Variants in PRKG2 observed in about 807,000 individuals in gnomAD.
PRKG2 encodes cGMP-dependent protein kinase 2.
In PRKG2, 33 loss-of-function variants were observed where a neutral mutation model predicts 97.2. The observed-to-expected ratio is 0.34, with a 90% CI of 0.26 to 0.45. The LOEUF (loss-of-function observed/expected upper bound fraction) is 0.45, where lower values mean the gene tolerates loss of function less well. PRKG2 is among the 20% of genes least tolerant of loss of function. The pLI is 1.00. For missense variants in PRKG2, 638 were observed against 900.0 expected, an observed-to-expected ratio of 0.71 and a Z score of 3.73; for synonymous variants, 330 against 321.8, an observed-to-expected ratio of 1.03 and a Z score of -0.27.
intron 6 of PRKG2, 21 bp downstream of exon 6, chr4:81,167,140 T>A (rs1447031548): frequency 6.7e-7 from 1 of 1,496,766 alleles, no homozygotes; most frequent in Non-Finnish European, 9.1e-7. Context: ...GAAATTTATT[T>A]TTTACTTCAA....
At chr4:81,169,877 G>A in intron 4 of PRKG2, 109 bp from the exon 5 acceptor site, 4 of 625,572 alleles carry the variant, frequency 6.4e-6, no homozygotes, top group East Asian at 3.2e-5. Context: ...GGTACTTCTT[G>A]GAAAATGTAT....
At chr4:81,198,998 G>T (rs1753131962) in intron 2 of PRKG2, among the ~76,000 whole-genome samples, 1 of 152,040 alleles carries the variant, frequency 6.6e-6, no homozygotes, top group African/African-American at 2.4e-5. Context: ...CTTCTTCCAT[G>T]CCTTATCCTA....
chr4:81,210,834 C>T (rs1753932130), intron 1 of PRKG2, among the ~76,000 whole-genome samples: 1 of 152,114 alleles, frequency 6.6e-6, no homozygotes, highest in South Asian at 2.1e-4. Context: ...GATAAACAAA[C>T]TGTGGCACAT....
At chr4:81,125,081 TA>T (rs1236434511) in intron 14 of PRKG2, among the ~76,000 whole-genome samples, 14 of 152,228 alleles carry the variant, frequency 9.2e-5, no homozygotes, top group Admixed American at 3.3e-4. Context: ...GTAAATTACT[TA>T]AATGTATCTT....
At chr4:81,090,156 G>A (rs991891957) in intron 18 of PRKG2, among the ~76,000 whole-genome samples, 2 of 152,114 alleles carry the variant, frequency 1.3e-5, no homozygotes, top group African/African-American at 4.8e-5. Flanking sequence ...TCAGGAGTTC[G>A]AGACCAGCCT....
chr4:81,136,778 A>G (rs543886870), intron 13 of PRKG2, among the ~76,000 whole-genome samples: 1 of 152,318 alleles, frequency 6.6e-6, no homozygotes, highest in Non-Finnish European at 1.5e-5. Context: ...CTCACTAAAC[A>G]ATGAAATGTT....
chr4:81,135,188 G>A lies in PRKG2; in HGVS notation c.1743C>T (p.Asn581=), dbSNP rs752801244. The stretch of plus-strand genomic sequence containing the variant: ...GGTAACCCTCAGCATCTAGAATTAA[G>A]TTTTCTGGTTTCAAGTCTCTGTAGA... The part of the protein sequence containing the change: ...GIIYRDLKPE[N]LILDAEGYLK... Residue 581 remains asparagine, a synonymous_variant, in exon 14 of 19, where the codon AAC becomes AAT. Transcript: ENST00000264399. 6.2e-7 allele frequency: 1 copy of A among 1,610,608 alleles called. No individual in the cohort carries two copies. The highest frequency in any genetic ancestry group is 8.5e-7 in the Non-Finnish European group (1 of 1,178,072).
At chr4:81,209,275 C>T (rs1225446763) in intron 1 of PRKG2, among the ~76,000 whole-genome samples, 1 of 152,164 alleles carries the variant, frequency 6.6e-6, no homozygotes, top group African/African-American at 2.4e-5. Flanking sequence ...GTTTTTCCTC[C>T]AGCCCTATAG....
At chr4:81,126,512 A>C (rs1328481916) in intron 14 of PRKG2, among the ~76,000 whole-genome samples, 1 of 152,050 alleles carries the variant, frequency 6.6e-6, no homozygotes. Context: ...AAGCATCCCT[A>C]TTTCTCCATA....
At chr4:81,203,499 T>G (rs534240000) in intron 2 of PRKG2, among the ~76,000 whole-genome samples, 1 of 152,326 alleles carries the variant, frequency 6.6e-6, no homozygotes, top group African/African-American at 2.4e-5. Flanking sequence ...TACTTACATT[T>G]GTGAATGTTA....
chr4:81,207,845 G>A (rs1157631269), intron 1 of PRKG2, among the ~76,000 whole-genome samples: 1 of 152,144 alleles, frequency 6.6e-6, no homozygotes, highest in Non-Finnish European at 1.5e-5. Context: ...AAATATTGCT[G>A]TCCCTGAAGC....
chr4:81,194,383 A>T (rs1752805555), intron 2 of PRKG2, among the ~76,000 whole-genome samples: 1 of 151,534 alleles, frequency 6.6e-6, no homozygotes, highest in South Asian at 2.1e-4. Flanking sequence ...TCCCCAGATA[A>T]TTGTTTTTGA....
At chr4:81,153,579 T>G (rs934700144) in intron 7 of PRKG2, 65 bp downstream of exon 7, 1 of 1,319,454 alleles carries the variant, frequency 7.6e-7, no homozygotes, top group Non-Finnish European at 1.1e-6. Flanking sequence ...CAAAGCATAG[T>G]TGAGTTTATG....
At chr4:81,143,064 T>TACA in intron 10 of PRKG2, 117 bp from the exon 11 acceptor site, 1 of 1,321,916 alleles carries the variant, frequency 7.6e-7, no homozygotes, top group Non-Finnish European at 1.0e-6. Context: ...GATTTATAGT[T>TACA]GCCACAAAGG....
intron 2 of PRKG2, among the ~76,000 whole-genome samples, chr4:81,176,218 T>A (rs909664189): frequency 1.3e-5 from 2 of 152,130 alleles, no homozygotes; most frequent in South Asian, 2.1e-4. Context: ...CTAAATCGTA[T>A]CAATTTGTTT....
At chr4:81,139,782 A>C (rs1747086097) in intron 12 of PRKG2, among the ~76,000 whole-genome samples, 1 of 71,036 alleles carries the variant, frequency 1.4e-5, no homozygotes, top group Admixed American at 1.4e-4. Context: ...CTCAAAAGAC[A>C]AAAAAAAAAA....
At chr4:81,110,386 C>T in intron 15 of PRKG2, 62 bp downstream of exon 15, 7 of 1,522,040 alleles carry the variant, frequency 4.6e-6, no homozygotes, top group Non-Finnish European at 6.2e-6. Context: ...CACTTTATCA[C>T]TAGTTAGGTT....
chr4:81,117,246 G>A (rs1197372391), intron 14 of PRKG2, among the ~76,000 whole-genome samples: 3 of 151,778 alleles, frequency 2.0e-5, no homozygotes, highest in African/African-American at 7.3e-5. Context: ...TCCCTCCTCG[G>A]GTGTCCCAAA....
At chr4:81,197,289 G>A (rs181099710) in intron 2 of PRKG2, among the ~76,000 whole-genome samples, 1 of 152,284 alleles carries the variant, frequency 6.6e-6, no homozygotes, top group East Asian at 1.9e-4. Flanking sequence ...AGGGTCAAAA[G>A]GAGCCACCCA....
Sources: allele counts gnomAD v4.1 joint callset (sites outside exome capture counted in the v4.1 genomes callset), GRCh38; gene constraint gnomAD v4.1.1; transcripts MANE v1.5; gene names NCBI Gene and HGNC (gene_info 2026-07-23, HGNC 2026-07-21).